STAG1: variants seen among roughly 807,000 people sequenced by gnomAD.
STAG1 encodes STAG1 cohesin complex component.
STAG1 carries 26 observed loss-of-function variants against 170.9 expected under a neutral mutation model. The ratio of observed to expected loss-of-function variants is 0.15; its 90% CI spans 0.11 to 0.21. The LOEUF (loss-of-function observed/expected upper bound fraction) is 0.21, where lower values mean the gene tolerates loss of function less well. STAG1 is among the 10% of genes least tolerant of loss of function. The probability of loss-of-function intolerance (pLI) is 1.00; values close to 1 mark genes in which losing one functional copy is unlikely to be tolerated. For synonymous variants in STAG1, 514 were observed against 497.7 expected (o/e 1.03, Z -0.44); for missense variants, 964 against 1,509.5 (o/e 0.64, Z 5.99).
intron 12 of STAG1, among the ~76,000 whole-genome samples, chr3:136,471,638 T>C (rs151020950): frequency 6.2e-4 from 95 of 152,330 alleles, no homozygotes; most frequent in African/African-American, 2.2e-3. Context: ...CTAGGATATA[T>C]TCTCTCACAT....
At chr3:136,658,615 C>G (rs1277960889) in intron 1 of STAG1, among the ~76,000 whole-genome samples, 1 of 152,078 alleles carries the variant, frequency 6.6e-6, no homozygotes, top group African/African-American at 2.4e-5. Context: ...GTACTCTTTT[C>G]CAAGTACATA....
chr3:136,631,380 T>C (rs1940322856), intron 1 of STAG1, among the ~76,000 whole-genome samples: 1 of 152,212 alleles, frequency 6.6e-6, no homozygotes, highest in Non-Finnish European at 1.5e-5. Flanking sequence ...AGTAAAAGAA[T>C]CGGTGGTTAC....
At chr3:136,361,001 G>A (rs980831472) in intron 26 of STAG1, among the ~76,000 whole-genome samples, 2 of 152,094 alleles carry the variant, frequency 1.3e-5, no homozygotes, top group African/African-American at 4.8e-5. Flanking sequence ...ATATACAATA[G>A]CCTTAAACTT....
chr3:136,721,998 G>C (rs1469094477), intron 1 of STAG1, among the ~76,000 whole-genome samples: 4 of 151,912 alleles, frequency 2.6e-5, no homozygotes, highest in Non-Finnish European at 5.9e-5. Flanking sequence ...AAGAAGGACA[G>C]ATCGCTTGAG....
intron 3 of STAG1, among the ~76,000 whole-genome samples, chr3:136,620,210 T>C (rs752242060): frequency 6.8e-6 from 1 of 147,022 alleles, no homozygotes; most frequent in Non-Finnish European, 1.5e-5. Flanking sequence ...TTAAAAGTAA[T>C]AAATTTTAAA....
chr3:136,345,864 G>A (rs1201676058), intron 29 of STAG1, among the ~76,000 whole-genome samples: 1 of 152,076 alleles, frequency 6.6e-6, no homozygotes, highest in South Asian at 2.1e-4. Context: ...CCCATTGTCT[G>A]GTTAAAGTAA....
chr3:136,494,444 C>A (rs992264565), intron 9 of STAG1, among the ~76,000 whole-genome samples: 5 of 152,068 alleles, frequency 3.3e-5, no homozygotes, highest in African/African-American at 1.2e-4. Context: ...TTTCAGAAAA[C>A]AGAGCAGGAA....
At chr3:136,557,794 C>G (rs552981797) in intron 5 of STAG1, among the ~76,000 whole-genome samples, 1 of 152,144 alleles carries the variant, frequency 6.6e-6, no homozygotes, top group African/African-American at 2.4e-5. Flanking sequence ...CTGCCTCAGC[C>G]TCCCAAAGTG....
chr3:136,485,745 A>T (rs1280057961), intron 9 of STAG1, among the ~76,000 whole-genome samples: 1 of 152,124 alleles, frequency 6.6e-6, no homozygotes, highest in African/African-American at 2.4e-5. Context: ...CGTCATATGT[A>T]TTGTTTTACA....
intron 1 of STAG1, among the ~76,000 whole-genome samples, chr3:136,728,707 C>T (rs1374393296): frequency 6.6e-6 from 1 of 152,172 alleles, no homozygotes; most frequent in African/African-American, 2.4e-5. Flanking sequence ...AACTACCACA[C>T]TGGATAGCAC....
rs999236840 is a variant in STAG1, at chr3:136,392,679, T to G, written c.2277+6070A>C. Among the ~76,000 whole-genome samples, 9 of 146,222 alleles carry G rather than the reference T, an allele frequency of 6.2e-5. No homozygotes were observed. The East Asian group carries it at 1.4e-3, about 23-fold the overall frequency. ...TACTGGGGAGGCTGACGGAGGACAA[T>G]CGCTTGAACCTGGGAGATGGAGGTT... is the stretch of plus-strand genomic sequence containing the variant. On this transcript the variant is annotated intron_variant, in intron 22 of 33. Transcript: ENST00000383202.
chr3:136,542,478 T>G (rs1217008120), intron 5 of STAG1, among the ~76,000 whole-genome samples: 1 of 152,038 alleles, frequency 6.6e-6, no homozygotes. Flanking sequence ...TAGTTTAAAT[T>G]ACGTTAAATT....
chr3:136,458,903 C>G (rs2089194843), intron 13 of STAG1, among the ~76,000 whole-genome samples: 1 of 152,098 alleles, frequency 6.6e-6, no homozygotes, highest in African/African-American at 2.4e-5. Flanking sequence ...ATAAAATAGA[C>G]TTTAAGTCAA....
At chr3:136,422,321 T>C (rs1265827356) in intron 19 of STAG1, 89 bp downstream of exon 19, 1 of 1,267,330 alleles carries the variant, frequency 7.9e-7, no homozygotes, top group Admixed American at 2.2e-5. Context: ...CTCAATTTCA[T>C]TTTAAAATGA....
At chr3:136,568,016 G>A (rs748549593) in intron 5 of STAG1, among the ~76,000 whole-genome samples, 3 of 151,814 alleles carry the variant, frequency 2.0e-5, no homozygotes, top group Non-Finnish European at 2.9e-5. Context: ...GGAGTATCTC[G>A]TATAAGGGTG....
intron 22 of STAG1, among the ~76,000 whole-genome samples, chr3:136,394,973 G>A (rs530382960): frequency 1.4e-3 from 210 of 151,170 alleles, no homozygotes; most frequent in African/African-American, 4.5e-3. Context: ...GTAGCTAGGC[G>A]TGGTGGCACA....
At chr3:136,342,553 C>G (rs1183110863) in intron 30 of STAG1, among the ~76,000 whole-genome samples, 1 of 152,246 alleles carries the variant, frequency 6.6e-6, no homozygotes, top group African/African-American at 2.4e-5. Context: ...GCGATTTTGG[C>G]TCACTGCAAC....
intron 29 of STAG1, among the ~76,000 whole-genome samples, chr3:136,348,186 A>C (rs533598512): frequency 1.3e-5 from 2 of 152,322 alleles, no homozygotes; most frequent in East Asian, 3.9e-4. Context: ...ATTTATTAGA[A>C]GCATGAAGAA....
intron 1 of STAG1, among the ~76,000 whole-genome samples, chr3:136,651,375 T>TA (rs1388813150): frequency 2.3e-4 from 24 of 102,568 alleles, no homozygotes; most frequent in African/African-American, 8.2e-4. Flanking sequence ...CACCAAAAAT[T>TA]TAAAAAAAAA....
Sources: allele counts gnomAD v4.1 joint callset (sites outside exome capture counted in the v4.1 genomes callset), GRCh38; gene constraint gnomAD v4.1.1; transcripts MANE v1.5; gene names NCBI Gene and HGNC (gene_info 2026-07-23, HGNC 2026-07-21).